TTN: variants seen among roughly 807,000 people sequenced by gnomAD.
The protein encoded by TTN is titin, also known as connectin.
A neutral mutation model predicts 3,223.0 loss-of-function variants in TTN; 1,525 were observed. The observed-to-expected ratio is 0.47, with a 90% CI of 0.45 to 0.49. The LOEUF is 0.49. Ranked by LOEUF, TTN falls within the 20% of genes least tolerant of loss-of-function variation. The pLI, the probability that TTN is intolerant of heterozygous loss-of-function variation, is 0.00. For synonymous variants in TTN, 14,094 were observed against 15,161.0 expected (o/e 0.93, Z 5.17); for missense variants, 40,786 against 43,424.0 (o/e 0.94, Z 5.40).
intron 47 of TTN, chr2:178,747,661 T>A (rs1222735993): frequency 6.2e-7 from 1 of 1,613,210 alleles, no homozygotes; most frequent in Admixed American, 1.7e-5. Flanking sequence ...CCTCACGCTT[T>A]CCAGCAGCAA....
intron 45 of TTN, 112 bp downstream of exon 45, chr2:178,757,430 T>A (rs2087624249): frequency 5.2e-6 from 7 of 1,354,732 alleles, no homozygotes; most frequent in Non-Finnish European, 6.8e-6. Context: ...TATTAGTAAG[T>A]TATGGACTGA....
rs770508302 is a variant in TTN at position 178,535,063 on chromosome 2, T to G, written c.101552A>C (p.Lys33851Thr). The G allele has an allele frequency of 6.2e-7, 1 of 1,613,910 alleles. No individual in the cohort carries two copies. Among genetic ancestry groups the G allele is most frequent in the East Asian group, 2.2e-5 (1 of 44,884 alleles). Residue 33851 changes from lysine (K) to threonine (T), a missense_variant, in exon 358 of 363, where the codon AAA becomes ACA. Coordinates refer to ENST00000589042, the MANE Select transcript of TTN (RefSeq NM_001267550.2). Reference sequence around the variant, plus strand: ...CAAAACCTGATCAGTCCCTTTGACTTTAACAAATTTGGCCATGTATGTCTT... The same window carrying G: ...CAAAACCTGATCAGTCCCTTTGACTGTAACAAATTTGGCCATGTATGTCTT... ...SKKTYMAKFV[K>T]VKGTDQVLVK...
chr2:178,801,205 C>T (rs939495755), intron 3 of TTN, among the ~76,000 whole-genome samples: 2 of 152,144 alleles, frequency 1.3e-5, no homozygotes. Flanking sequence ...TATTTACTTG[C>T]ATTTAAAACG....
intron 111 of TTN, among the ~76,000 whole-genome samples, chr2:178,699,820 G>C (rs1396811209): frequency 2.1e-5 from 3 of 141,902 alleles, no homozygotes; most frequent in Non-Finnish European, 4.5e-5. Flanking sequence ...TCCGCCTCCC[G>C]GGTTCACGCC....
chr2:178,762,178 C>T (rs1194920375), intron 43 of TTN, among the ~76,000 whole-genome samples: 1 of 152,106 alleles, frequency 6.6e-6, no homozygotes, highest in Non-Finnish European at 1.5e-5. Context: ...AGAGGAAGTT[C>T]TGTAAATATT....
At position 178,730,212 on chromosome 2, in the gene TTN, T is replaced by C; in HGVS notation, c.18188A>G (p.Asp6063Gly). 6.2e-7 allele frequency: 1 copy of C among 1,613,522 alleles called. No individual in the cohort carries two copies. Among genetic ancestry groups the C allele is most frequent in the South Asian group, 1.1e-5 (1 of 91,078 alleles). Residue 6063 changes from aspartate (D) to glycine (G), a missense_variant, in exon 62 of 363, where the codon GAT (aspartate) becomes GGT (glycine). Asp to Gly is a moderately conservative substitution (Grantham distance 94, BLOSUM62 -1). Transcript: ENST00000589042. ...GAGCTCTAGACTGGTAGAGGTGTCATCCTTCCAAACTGAGCGGGCTGCTCC... is the reference window on the plus strand; with the variant it reads ...GAGCTCTAGACTGGTAGAGGTGTCACCCTTCCAAACTGAGCGGGCTGCTCC... ...HSGAARSVWK[D>G]DTSTSLELFA... is the part of the protein sequence containing the mutation.
intron 240 of TTN, 52 bp downstream of exon 240, chr2:178,629,249 T>G: frequency 6.3e-7 from 1 of 1,596,190 alleles, no homozygotes; most frequent in South Asian, 1.1e-5. Flanking sequence ...CAAGTGAAGG[T>G]GGAAGAACTC....
chr2:178,649,126 C>T lies in TTN; in HGVS notation c.40057+122G>A, dbSNP rs374111866. 8 of 755,698 alleles carry T rather than the reference C, an allele frequency of 1.1e-5. No individual in the cohort carries two copies. In the South Asian group the frequency reaches 1.6e-4, roughly 15 times the overall value. The allele number at this position is 755,698 out of a possible 1,614,324, so 46.8% of individuals were successfully genotyped here. A position where few individuals can be genotyped will look rare whatever the true frequency, so the allele number is the denominator to read the frequency against. ...TTCATTTTTTTCCCTTCATTATTTC[C>T]CTTTTTTCTGTGCAATATGGTTTTA... is the stretch of plus-strand genomic sequence containing the variant. On this transcript the variant is annotated intron_variant, in intron 213 of 362. Coordinates refer to ENST00000589042, the MANE Select transcript of TTN (RefSeq NM_001267550.2).
chr2:178,744,831 G>A, intron 47 of TTN: 1 of 984,960 alleles, frequency 1.0e-6, no homozygotes, highest in Non-Finnish European at 1.2e-6. Context: ...CTCAAAAATG[G>A]AGAAAAATAA....
rs374506047 is a variant in TTN, at chr2:178,734,455, C to T, written c.15369G>A (p.Leu5123=). The T allele has an allele frequency of 6.2e-7, 1 of 1,613,666 alleles. No homozygotes were observed. Among genetic ancestry groups the T allele is most frequent in the South Asian group, 1.1e-5 (1 of 91,064 alleles). The change falls in exon 52 of 363, where the codon TTG becomes TTA. Residue 5123 remains leucine, a synonymous_variant. Coordinates refer to ENST00000589042, the MANE Select transcript of TTN (RefSeq NM_001267550.2). ...KQIRSSKKYR[L]FSQKSLVCLE... ...GACACACAAGAGACTTCTGAGAAAA[C>T]AATCTGTATTTTTTACTACTTCGAA...
intron 33 of TTN, among the ~76,000 whole-genome samples, chr2:178,771,741 A>G (rs1179556897): frequency 6.6e-6 from 1 of 152,238 alleles, no homozygotes; most frequent in African/African-American, 2.4e-5. Context: ...TTAGAACAGT[A>G]TACCACCAGG....
At position 178,555,109 on chromosome 2, in the gene TTN, G is replaced by C. The variant is rs568111586; in HGVS notation, c.88350C>G (p.Val29450=). ...TCACAGATGTACCTGCTCTGTATTT[G>C]ACAACTTCTGTATATTCTAGAGGCA... The part of the protein sequence containing the change: ...IDLPLEYTEV[V]KYRAGTSVKL... Residue 29450 remains valine (V), a synonymous_variant, in exon 331 of 363, where the codon GTC becomes GTG. Coordinates refer to ENST00000589042, the MANE Select transcript of TTN (RefSeq NM_001267550.2). 5 of 1,613,630 alleles carry C rather than the reference G, an allele frequency of 3.1e-6. No individual in the cohort carries two copies. The Admixed American group carries it at 6.7e-5, about 22-fold the overall frequency.
At position 178,727,702 on chromosome 2, in the gene TTN, C is replaced by T. The variant is rs770749098; in HGVS notation, c.19876G>A (p.Gly6626Arg). 6.2e-7 allele frequency: 1 copy of T among 1,613,296 alleles called. No homozygotes were observed. Among genetic ancestry groups the T allele is most frequent in the Admixed American group, 1.7e-5 (1 of 59,992 alleles). ...TAGAGATTTAAGAAGCTAGTCGACCCTTCCAAGCCAATGAAACATTTAGGA... is the reference window on the plus strand; with the variant it reads ...TAGAGATTTAAGAAGCTAGTCGACCTTTCCAAGCCAATGAAACATTTAGGA... ...SGPKCFIGLE[G>R]STSFLNLYSV... The change falls in exon 68 of 363, where the codon GGG becomes AGG. Residue 6626 changes from glycine (G) to arginine (R), a missense_variant. Gly to Arg is a moderately radical substitution (Grantham distance 125). Coordinates refer to ENST00000589042, the MANE Select transcript of TTN (RefSeq NM_001267550.2).
Position 178,714,510 on chromosome 2 carries a change from A to C in TTN, c.26264T>G (p.Leu8755Arg). 6.2e-7 allele frequency: 1 copy of C among 1,613,368 alleles called. No homozygotes were observed. Among genetic ancestry groups the C allele is most frequent in the Non-Finnish European group, 8.5e-7 (1 of 1,179,588 alleles). ...ISTVVGKEVQ[L>R]QTTIEGAEPI... ...TTCAGCGCCTTCAATGGTAGTCTGC[A>C]GCTGAACTTCTTTACCAACGACAGT... The change falls in exon 91 of 363, where the codon CTG becomes CGG. Residue 8755 changes from leucine to arginine, a missense_variant. Transcript: ENST00000589042.
In TTN at chr2:178,575,877, T is replaced by G; in HGVS notation, c.70255A>C (p.Asn23419His). The G allele has an allele frequency of 1.2e-6, 2 of 1,613,564 alleles. No individual in the cohort carries two copies. Among genetic ancestry groups the G allele is most frequent in the Non-Finnish European group, 1.7e-6 (2 of 1,179,614 alleles). ...DTGKFVMTIE[N>H]PAGKKSGFVN... ...AAGCCACTTTTCTTCCCAGCCGGGT[T>G]TTCAATGGTCATGACAAATTTACCG... Residue 23419 changes from asparagine (N) to histidine (H), a missense_variant, in exon 326 of 363, where the codon AAC becomes CAC. Coordinates refer to ENST00000589042, the MANE Select transcript of TTN (RefSeq NM_001267550.2). The surrounding 1 kb of genome is among the most constrained non-coding windows in gnomAD (Gnocchi z 4.0).
Position 178,721,882 on chromosome 2 carries a change from C to A in TTN, c.22781G>T (p.Gly7594Val). ...GAGCTGAGCTGAGCACATGTCTTTGCCAACATCATTGGTTGCTTGGCAAGT... is the reference window on the plus strand; with the variant it reads ...GAGCTGAGCTGAGCACATGTCTTTGACAACATCATTGGTTGCTTGGCAAGT... ...QYTCQATNDV[G>V]KDMCSAQLSV... Residue 7594 changes from glycine (G) to valine (V), a missense_variant, in exon 78 of 363, where the codon GGC becomes GTC. By Grantham distance (109) the Gly-to-Val change is moderately radical. Coordinates refer to ENST00000589042, the MANE Select transcript of TTN (RefSeq NM_001267550.2). 6.2e-7 allele frequency: 1 copy of A among 1,612,522 alleles called. No individual in the cohort carries two copies. Among genetic ancestry groups the A allele is most frequent in the East Asian group, 2.2e-5 (1 of 44,866 alleles).
intron 171 of TTN, 22 bp downstream of exon 171, chr2:178,663,605 G>A (rs757319099): frequency 4.3e-6 from 7 of 1,613,674 alleles, no homozygotes; most frequent in Middle Eastern, 1.7e-4. Context: ...ATCATCTGAA[G>A]CCTAAAATCA....
chr2:178,552,185 C>T lies in TTN; in HGVS notation c.90715G>A (p.Ala30239Thr), dbSNP rs879126335. ...TCCCATGACAGGATGACACTATCAG[C>T]CTTGATTTCATCAAATCGAATGGGT... ...KGPIRFDEIK[A>T]DSVILSWDVP... The change falls in exon 335 of 363, where the codon GCT becomes ACT. Residue 30239 changes from alanine to threonine, a missense_variant. Coordinates refer to ENST00000589042, the MANE Select transcript of TTN (RefSeq NM_001267550.2). The T allele has an allele frequency of 6.2e-7, 1 of 1,613,732 alleles. No individual in the cohort carries two copies. Among genetic ancestry groups the T allele is most frequent in the African/African-American group, 1.3e-5 (1 of 75,032 alleles).
chr2:178,577,727 G>C lies in TTN; in HGVS notation c.68699C>G (p.Ala22900Gly). ...CTCAACAAGGTCAGTTACAGTAAAG[G>C]CACATTCTGGGACATTAACATGGTT... ...KANHVNVPEC[A>G]FTVTDLVEGG... The change falls in exon 323 of 363, where the codon GCC becomes GGC. Residue 22900 changes from alanine to glycine, a missense_variant. By Grantham distance (60) the Ala-to-Gly change is moderately conservative (BLOSUM62 0). Coordinates refer to ENST00000589042, the MANE Select transcript of TTN (RefSeq NM_001267550.2). 4 of 1,613,346 alleles carry C rather than the reference G, an allele frequency of 2.5e-6. No homozygotes were observed. Among genetic ancestry groups the C allele is most frequent in the Non-Finnish European group, 2.5e-6 (3 of 1,179,564 alleles).
Sources: allele counts gnomAD v4.1 joint callset (sites outside exome capture counted in the v4.1 genomes callset), GRCh38; gene constraint gnomAD v4.1.1; non-coding constraint Gnocchi (gnomAD v3.1); transcripts MANE v1.5; gene names NCBI Gene and HGNC (gene_info 2026-07-23, HGNC 2026-07-21).